TAFA4: variants seen among roughly 807,000 people sequenced by gnomAD.
TAFA4 encodes the protein chemokine-like protein TAFA-4.
In TAFA4, 20 loss-of-function variants were observed where a neutral mutation model predicts 21.1. The observed-to-expected ratio is 0.95, with a 90% confidence interval of 0.67 to 1.38. The LOEUF (loss-of-function observed/expected upper bound fraction) is 1.38. Ranked by LOEUF, TAFA4 falls within the 40% of genes most tolerant of loss-of-function variation. The pLI is 0.00. For synonymous variants in TAFA4, 71 were observed against 67.4 expected, an observed-to-expected ratio of 1.05 and a Z score of -0.26; for missense variants, 211 against 180.9, an observed-to-expected ratio of 1.17 and a Z score of -0.95.
intron 5 of TAFA4, among the ~76,000 whole-genome samples, chr3:68,736,076 A>G (rs1269768995): frequency 6.6e-6 from 1 of 152,182 alleles, no homozygotes; most frequent in African/African-American, 2.4e-5. Flanking sequence ...AAATAAGAAC[A>G]TTAAAAAGTC....
intron 1 of TAFA4, among the ~76,000 whole-genome samples, chr3:68,927,219 C>T (rs1016522444): frequency 6.6e-6 from 1 of 152,024 alleles, no homozygotes; most frequent in African/African-American, 2.4e-5. Flanking sequence ...GGTTTTAGGC[C>T]CAATGATTCC....
chr3:68,908,809 G>T (rs749921340), intron 1 of TAFA4, among the ~76,000 whole-genome samples: 1 of 152,144 alleles, frequency 6.6e-6, no homozygotes, highest in Non-Finnish European at 1.5e-5. Flanking sequence ...GTTATACTCC[G>T]AAGTAGCTAG....
At chr3:68,883,754 T>C (rs2089642062) in intron 2 of TAFA4, among the ~76,000 whole-genome samples, 1 of 152,154 alleles carries the variant, frequency 6.6e-6, no homozygotes, top group Non-Finnish European at 1.5e-5. Context: ...TATGGGACTT[T>C]TTTTTATTGT....
intron 3 of TAFA4, among the ~76,000 whole-genome samples, chr3:68,771,483 T>C (rs909626737): frequency 1.3e-5 from 2 of 152,194 alleles, no homozygotes; most frequent in South Asian, 2.1e-4. Context: ...ACTGAAAATA[T>C]GAGCCACACC....
At chr3:68,930,837 T>C (rs2090151703) in intron 1 of TAFA4, among the ~76,000 whole-genome samples, 1 of 152,242 alleles carries the variant, frequency 6.6e-6, no homozygotes, top group Non-Finnish European at 1.5e-5. Context: ...TGAAGAATTC[T>C]TCAAGTCATA....
intron 3 of TAFA4, among the ~76,000 whole-genome samples, chr3:68,835,270 T>C (rs928792252): frequency 2.0e-5 from 3 of 152,220 alleles, no homozygotes; most frequent in African/African-American, 4.8e-5. Context: ...GTTATTTTTC[T>C]CCTCAGAACT....
chr3:68,903,659 T>G (rs1309097876), intron 1 of TAFA4, among the ~76,000 whole-genome samples: 1 of 152,226 alleles, frequency 6.6e-6, no homozygotes, highest in Non-Finnish European at 1.5e-5. Context: ...TTTTTAAACT[T>G]TCATTTTAGG....
intron 1 of TAFA4, among the ~76,000 whole-genome samples, chr3:68,895,978 T>A (rs568004936): frequency 1.3e-5 from 2 of 152,258 alleles, no homozygotes; most frequent in African/African-American, 4.8e-5. Context: ...GACTGTGACA[T>A]CATGGTGAAT....
chr3:68,804,620 A>G (rs182749814), intron 3 of TAFA4, among the ~76,000 whole-genome samples: 1 of 152,316 alleles, frequency 6.6e-6, no homozygotes, highest in Admixed American at 6.5e-5. Flanking sequence ...GATCAATGGA[A>G]GAGAACAGAG....
chr3:68,787,726 A>C (rs1031877824), intron 3 of TAFA4, among the ~76,000 whole-genome samples: 1 of 152,206 alleles, frequency 6.6e-6, no homozygotes, highest in Non-Finnish European at 1.5e-5. Context: ...CATCAAATTA[A>C]ACAAAAGAAG....
intron 3 of TAFA4, among the ~76,000 whole-genome samples, chr3:68,831,399 G>A (rs9817415): frequency 6.6e-6 from 1 of 151,924 alleles, no homozygotes; most frequent in East Asian, 1.9e-4. Flanking sequence ...TAAAATCTCT[G>A]AGCATTTGCT....
intron 3 of TAFA4, among the ~76,000 whole-genome samples, chr3:68,841,042 G>C (rs567816467): frequency 6.6e-6 from 1 of 152,096 alleles, no homozygotes; most frequent in Admixed American, 6.6e-5. Context: ...TAAATAGAAG[G>C]TGATATTAAA....
intron 3 of TAFA4, among the ~76,000 whole-genome samples, chr3:68,834,288 T>G (rs1704470174): frequency 6.6e-6 from 1 of 152,210 alleles, no homozygotes; most frequent in Admixed American, 6.5e-5. Flanking sequence ...CCTGGTAGAA[T>G]GACCAAGTCC....
rs1405318586 is a variant in TAFA4 at position 68,818,433 on chromosome 3, C to A, written c.130+62297G>T. On this transcript the variant is annotated intron_variant, in intron 3 of 5. Coordinates refer to ENST00000295569, the MANE Select transcript of TAFA4 (RefSeq NM_182522.5). ...CTGGTATGGCACTGTTAATTTCCTT[C>A]AAGAATTTTTCCCTTGCATCCACAA... is the stretch of plus-strand genomic sequence containing the variant. Among the ~76,000 whole-genome samples, 6 of 152,286 alleles carry A rather than the reference C, an allele frequency of 3.9e-5. No individual in the cohort carries two copies. The East Asian group carries it at 1.2e-3, about 29-fold the overall frequency.
chr3:68,748,285 A>G (rs989253616), intron 4 of TAFA4, among the ~76,000 whole-genome samples: 6 of 152,236 alleles, frequency 3.9e-5, no homozygotes, highest in African/African-American at 1.4e-4. Context: ...TCTGTCATTC[A>G]TGTGTCTGCA....
intron 3 of TAFA4, among the ~76,000 whole-genome samples, chr3:68,832,234 T>A (rs1245032781): frequency 6.6e-6 from 1 of 152,222 alleles, no homozygotes; most frequent in Non-Finnish European, 1.5e-5. Context: ...GGTGAGGAGC[T>A]GTGTTCCTTT....
chr3:68,885,326 CAAAA>C lies in TAFA4; in HGVS notation c.-122-20_-122-17del. ...CTCAGAAGACCTATGTTAAAAAGGC[CAAAA>C]AAAAAAAAGGAATCAATTAGCATTT... On this transcript the variant is annotated splice_polypyrimidine_tract_variant and intron_variant, in intron 1 of 5. Coordinates refer to ENST00000295569, the MANE Select transcript of TAFA4 (RefSeq NM_182522.5). 2.1e-6 allele frequency: 1 copy of C among 467,388 alleles called. No homozygotes were observed. The highest frequency in any genetic ancestry group is 3.6e-5 in the South Asian group (1 of 27,848). The allele number at this position is 467,388 out of a possible 1,614,324, so 29.0% of individuals were successfully genotyped here.
chr3:68,772,683 G>A (rs924166351), intron 3 of TAFA4, among the ~76,000 whole-genome samples: 1 of 152,156 alleles, frequency 6.6e-6, no homozygotes, highest in African/African-American at 2.4e-5. Flanking sequence ...TTAGAGGGTT[G>A]GAACTTCCAG....
At chr3:68,918,132 TAC>T (rs71618251) in intron 1 of TAFA4, among the ~76,000 whole-genome samples, 462 of 148,870 alleles carry the variant, frequency 3.1e-3, no homozygotes, top group Non-Finnish European at 5.5e-3. Context: ...CAGACACACA[TAC>T]ACACACACAC....
Sources: allele counts gnomAD v4.1 joint callset (sites outside exome capture counted in the v4.1 genomes callset), GRCh38; gene constraint gnomAD v4.1.1; transcripts MANE v1.5; gene names NCBI Gene and HGNC (gene_info 2026-07-23, HGNC 2026-07-21).